Variants in CAAP1 observed in about 807,000 individuals in gnomAD.
CAAP1 encodes conserved anti-apoptotic protein.
CAAP1 carries 20 observed loss-of-function variants against 34.0 expected under a neutral mutation model. The observed-to-expected ratio is 0.59, with a 90% CI of 0.41 to 0.86. The LOEUF (loss-of-function observed/expected upper bound fraction) is 0.86, where lower values mean the gene tolerates loss of function less well. CAAP1 is among the 40% of genes least tolerant of loss of function. CAAP1 has a pLI of 0.00. For synonymous variants in CAAP1, 213 were observed against 166.7 expected, an observed-to-expected ratio of 1.28 and a Z score of -2.14; for missense variants, 538 against 450.5, an observed-to-expected ratio of 1.19 and a Z score of -1.76.
At chr9:26,868,708 G>C (rs1359028679) in intron 4 of CAAP1, among the ~76,000 whole-genome samples, 1 of 152,124 alleles carries the variant, frequency 6.6e-6, no homozygotes, top group Non-Finnish European at 1.5e-5. Flanking sequence ...ACACCATGAA[G>C]ATACAATCAG....
intron 1 of CAAP1, among the ~76,000 whole-genome samples, chr9:26,890,914 C>T (rs1303356265): frequency 6.6e-6 from 1 of 152,054 alleles, no homozygotes; most frequent in African/African-American, 2.4e-5. Flanking sequence ...CACTGCACTC[C>T]GGCCTGGGCA....
intron 5 of CAAP1, among the ~76,000 whole-genome samples, chr9:26,844,986 T>A (rs534673792): frequency 6.6e-6 from 1 of 152,376 alleles, no homozygotes. Flanking sequence ...CTTTTCACTA[T>A]CTACTTTCTT....
At chr9:26,856,890 A>G (rs1405052501) in intron 5 of CAAP1, among the ~76,000 whole-genome samples, 1 of 152,240 alleles carries the variant, frequency 6.6e-6, no homozygotes, top group Non-Finnish European at 1.5e-5. Flanking sequence ...GAAAAAATAC[A>G]AAAACCATAA....
rs1224662794 is a variant in CAAP1, at chr9:26,892,708, C to G, written c.8G>C (p.Gly3Ala). 1.3e-6 allele frequency: 2 copies of G among 1,595,166 alleles called. No homozygotes were observed. Among genetic ancestry groups the G allele is most frequent in the East Asian group, 2.2e-5 (1 of 44,734 alleles). Reference sequence around the variant, plus strand: ...CCGTTTCTCCCGGGAGGACTTTTTCCCCGTCATGATCCCTCTGCTGCAACC... The same window carrying G: ...CCGTTTCTCCCGGGAGGACTTTTTCGCCGTCATGATCCCTCTGCTGCAACC... MT[G>A]KKSSREKRRK... The change falls in exon 1 of 6, where the codon GGG (glycine) becomes GCG (alanine). Residue 3 changes from glycine (G) to alanine (A), a missense_variant. Coordinates refer to ENST00000333916, the MANE Select transcript of CAAP1 (RefSeq NM_024828.4).
intron 5 of CAAP1, among the ~76,000 whole-genome samples, chr9:26,858,822 CAAAA>C (rs756404393): frequency 2.3e-5 from 2 of 87,202 alleles, no homozygotes; most frequent in Non-Finnish European, 2.5e-5. Context: ...GGCTCCATCT[CAAAA>C]AAAAAAAAAA....
chr9:26,849,940 A>G (rs1215688963), intron 5 of CAAP1, among the ~76,000 whole-genome samples: 2 of 151,326 alleles, frequency 1.3e-5, no homozygotes, highest in African/African-American at 2.4e-5. Flanking sequence ...CCAGGTTCAC[A>G]CCATTCTCCT....
intron 5 of CAAP1, among the ~76,000 whole-genome samples, chr9:26,856,185 C>T (rs1822867059): frequency 6.6e-6 from 1 of 151,884 alleles, no homozygotes; most frequent in Admixed American, 6.6e-5. Flanking sequence ...ATATTTTGTG[C>T]TTGCATGTCT....
At chr9:26,848,803 T>G (rs1028130070) in intron 5 of CAAP1, among the ~76,000 whole-genome samples, 13 of 152,372 alleles carry the variant, frequency 8.5e-5, no homozygotes, top group Admixed American at 7.8e-4. Context: ...GCTAATAAAA[T>G]GTTTAGAGTG....
intron 5 of CAAP1, among the ~76,000 whole-genome samples, chr9:26,851,265 A>G (rs78686335): frequency 0.037 from 5,591 of 152,336 alleles, 169 homozygotes; most frequent in South Asian, 0.1. Context: ...AGATATTCAT[A>G]GATATATGAT....
In CAAP1 at chr9:26,892,647, G is replaced by A; in HGVS notation, c.69C>T (p.Leu23=). 6.2e-7 allele frequency: 1 copy of A among 1,608,100 alleles called. No homozygotes were observed. Among genetic ancestry groups the A allele is most frequent in the Non-Finnish European group, 8.5e-7 (1 of 1,179,262 alleles). ...ACGCGGGTACGATGTCCGGGGCCGC[G>A]AGCGCTGCGGCCGCCTCCTGACTGC... The part of the protein sequence containing the change: ...KRSSQEAAAA[L]AAPDIVPALA... The change falls in exon 1 of 6, where the codon CTC becomes CTT. Residue 23 remains leucine (L), a synonymous_variant. Coordinates refer to ENST00000333916, the MANE Select transcript of CAAP1 (RefSeq NM_024828.4).
At chr9:26,885,768 T>C (rs1365426783) in intron 3 of CAAP1, among the ~76,000 whole-genome samples, 4 of 152,126 alleles carry the variant, frequency 2.6e-5, no homozygotes, top group Non-Finnish European at 4.4e-5. Flanking sequence ...CTATAAAAAA[T>C]CTAAAGCAGA....
At chr9:26,887,719 G>T (rs184950902) in intron 1 of CAAP1, among the ~76,000 whole-genome samples, 1 of 152,200 alleles carries the variant, frequency 6.6e-6, no homozygotes, top group East Asian at 1.9e-4. Context: ...AACTCAAGGA[G>T]TAGCTATAAG....
At chr9:26,863,997 A>C (rs114282821) in intron 4 of CAAP1, among the ~76,000 whole-genome samples, 3,126 of 152,022 alleles carry the variant, frequency 0.021, 102 homozygotes, top group African/African-American at 0.071. Context: ...CTGTTGCCCA[A>C]GTTGTTCTTG....
intron 4 of CAAP1, among the ~76,000 whole-genome samples, chr9:26,873,034 A>G (rs1385325748): frequency 1.3e-5 from 2 of 152,118 alleles, no homozygotes; most frequent in Non-Finnish European, 2.9e-5. Flanking sequence ...GCTGAGGCAG[A>G]AGGATCTCTT....
At chr9:26,885,544 G>C (rs756547917) in intron 3 of CAAP1, among the ~76,000 whole-genome samples, 1 of 151,492 alleles carries the variant, frequency 6.6e-6, no homozygotes, top group Non-Finnish European at 1.5e-5. Flanking sequence ...TCCAATTTTT[G>C]TTTCTTCTTC....
intron 4 of CAAP1, among the ~76,000 whole-genome samples, chr9:26,875,834 C>A (rs10967579): frequency 0.043 from 6,493 of 152,122 alleles, 472 homozygotes; most frequent in African/African-American, 0.15. Context: ...GTGTGATCTC[C>A]TTTGGAATGT....
In CAAP1 at chr9:26,867,682, A is replaced by G. The variant is rs565780622; in HGVS notation, c.666-6543T>C. ...AATATAGTTGTTGCACACATCCAAAATACTGTTTATACTTAACCTATACTT... is the reference window on the plus strand; with the variant it reads ...AATATAGTTGTTGCACACATCCAAAGTACTGTTTATACTTAACCTATACTT... On this transcript the variant is annotated intron_variant, in intron 4 of 5. Coordinates refer to ENST00000333916, the MANE Select transcript of CAAP1 (RefSeq NM_024828.4). Among the ~76,000 whole-genome samples the G allele has an allele frequency of 8.5e-5, 13 of 152,280 alleles. No individual in the cohort carries two copies. The South Asian group carries it at 2.7e-3, about 32-fold the overall frequency.
intron 1 of CAAP1, among the ~76,000 whole-genome samples, chr9:26,891,125 C>T (rs986481982): frequency 6.6e-6 from 1 of 152,182 alleles, no homozygotes; most frequent in African/African-American, 2.4e-5. Context: ...GTGATCATCT[C>T]AACAGAATGC....
chr9:26,877,268 G>A (rs1452747829), intron 4 of CAAP1, among the ~76,000 whole-genome samples: 1 of 152,066 alleles, frequency 6.6e-6, no homozygotes, highest in African/African-American at 2.4e-5. Context: ...ATATCAGTAT[G>A]TATATGCAAA....
Sources: allele counts gnomAD v4.1 joint callset (sites outside exome capture counted in the v4.1 genomes callset), GRCh38; gene constraint gnomAD v4.1.1; transcripts MANE v1.5; gene names NCBI Gene and HGNC (gene_info 2026-07-23, HGNC 2026-07-21).